Variants in CAV3 observed in about 807,000 individuals in gnomAD.
CAV3 encodes caveolin-3.
Under a neutral mutation model 13.4 loss-of-function variants are expected in CAV3, and 10 were observed. That is an observed-to-expected ratio of 0.75 (90% CI 0.46 to 1.27). The LOEUF is 1.27. CAV3 is among the 50% of genes most tolerant of loss of function. The pLI is 0.00. For synonymous variants in CAV3, 90 were observed against 79.0 expected (o/e 1.14, Z -0.74); for missense variants, 162 against 194.0 (o/e 0.83, Z 0.98).
Position 8,745,929 on chromosome 3 carries a change from G to C in CAV3, c.*62G>C, listed in dbSNP as rs1375280029. On this transcript the variant is annotated 3_prime_UTR_variant, in exon 2 of 2. Coordinates refer to ENST00000343849, the MANE Select transcript of CAV3 (RefSeq NM_033337.3). The surrounding 1 kb of genome is among the most constrained non-coding windows in gnomAD (Gnocchi z 4.8). The stretch of plus-strand genomic sequence containing the variant: ...TGGTGGGCCAGACTGGTCCCCGGGG[G>C]ACTTCTTCACAGGGGCTGCTGGCGA... 4 of 1,394,222 alleles carry C rather than the reference G, an allele frequency of 2.9e-6. No individual in the cohort carries two copies. Among genetic ancestry groups the C allele is most frequent in the African/African-American group, 1.4e-5 (1 of 70,742 alleles). 86.4% of individuals were successfully genotyped at this position (1,394,222 alleles called of 1,614,324 possible). A position where few individuals can be genotyped will look rare whatever the true frequency, so the allele number is the denominator to read the frequency against.
intron 1 of CAV3, among the ~76,000 whole-genome samples, chr3:8,735,551 A>C (rs187905548): frequency 6.6e-6 from 1 of 152,288 alleles, no homozygotes; most frequent in African/African-American, 2.4e-5. Context: ...CAAAATCTAG[A>C]ATTCTTCAGT....
At chr3:8,734,034 T>C in intron 1 of CAV3, 44 bp downstream of exon 1, 1 of 1,121,010 alleles carries the variant, frequency 8.9e-7, no homozygotes, top group Non-Finnish European at 1.4e-6. Flanking sequence ...AGTGTCAGGT[T>C]TGCGAGACGT....
intron 1 of CAV3, among the ~76,000 whole-genome samples, chr3:8,744,038 C>A (rs1575475452): frequency 6.6e-6 from 1 of 152,124 alleles, no homozygotes; most frequent in African/African-American, 2.4e-5. Context: ...GAGCCTCAGC[C>A]CTGCAGGCCA....
At chr3:8,744,652 T>C (rs918915360) in intron 1 of CAV3, among the ~76,000 whole-genome samples, 13 of 152,098 alleles carry the variant, frequency 8.5e-5, no homozygotes, top group African/African-American at 2.9e-4. Context: ...GCTTCATGCA[T>C]AGCAGGGCTC....
rs1469244641 is a variant in CAV3 at position 8,734,051 on chromosome 3, T to C, written c.114+61T>C. Reference sequence around the variant, plus strand: ...TGTCAGGTTTGCGAGACGTGGGCGCTTGGCAGGGGAGGGTATCTGCTGCAG... The same window carrying C: ...TGTCAGGTTTGCGAGACGTGGGCGCCTGGCAGGGGAGGGTATCTGCTGCAG... On this transcript the variant is annotated intron_variant, in intron 1 of 1. Coordinates refer to ENST00000343849, the MANE Select transcript of CAV3 (RefSeq NM_033337.3). 3.3e-6 allele frequency: 3 copies of C among 911,060 alleles called. No individual in the cohort carries two copies. The African/African-American group carries it at 4.9e-5, about 15-fold the overall frequency. The allele number at this position is 911,060 out of a possible 1,614,324, so 56.4% of individuals were successfully genotyped here. A position where few individuals can be genotyped will look rare whatever the true frequency, so the allele number is the denominator to read the frequency against.
chr3:8,734,636 T>G (rs560483106), intron 1 of CAV3, among the ~76,000 whole-genome samples: 1 of 152,334 alleles, frequency 6.6e-6, no homozygotes, highest in South Asian at 2.1e-4. Flanking sequence ...GTTGGGCCTC[T>G]TCCCTCGCCT....
chr3:8,740,861 C>T (rs975781450), intron 1 of CAV3, among the ~76,000 whole-genome samples: 3 of 152,260 alleles, frequency 2.0e-5, no homozygotes, highest in Admixed American at 1.3e-4. Context: ...GTTCTGGCCT[C>T]AGGCCCTGCT....
intron 1 of CAV3, among the ~76,000 whole-genome samples, chr3:8,737,015 G>C (rs983993318): frequency 2.0e-5 from 3 of 152,102 alleles, no homozygotes; most frequent in Non-Finnish European, 4.4e-5. Context: ...GGAGAGAGGG[G>C]ACTGTGGCTA....
At chr3:8,741,198 C>T (rs969564373) in intron 1 of CAV3, among the ~76,000 whole-genome samples, 1 of 152,308 alleles carries the variant, frequency 6.6e-6, no homozygotes, top group South Asian at 2.1e-4. Flanking sequence ...TTATTCTAAT[C>T]CACTGCACAG....
chr3:8,738,656 A>T (rs1230895375), intron 1 of CAV3, among the ~76,000 whole-genome samples: 1 of 152,234 alleles, frequency 6.6e-6, no homozygotes, highest in Non-Finnish European at 1.5e-5. Context: ...GAGAAAAATT[A>T]AAAATGTGAA....
chr3:8,738,296 G>T (rs1456505238), intron 1 of CAV3, among the ~76,000 whole-genome samples: 1 of 152,272 alleles, frequency 6.6e-6, no homozygotes, highest in Middle Eastern at 3.4e-3. Flanking sequence ...CAGAACGCCT[G>T]CCTTCTTCAG....
rs2124988937 is a variant in CAV3, at chr3:8,745,944, G to A, written c.*77G>A. 8.3e-7 allele frequency: 1 copy of A among 1,203,540 alleles called. No homozygotes were observed. The highest frequency in any genetic ancestry group is 1.2e-6 in the Non-Finnish European group (1 of 840,086). The allele number at this position is 1,203,540 out of a possible 1,614,324, so 74.6% of individuals were successfully genotyped here. On this transcript the variant is annotated 3_prime_UTR_variant, in exon 2 of 2. Coordinates refer to ENST00000343849, the MANE Select transcript of CAV3 (RefSeq NM_033337.3). This position sits in a 1 kb window ranked among gnomAD's most constrained non-coding sequence, Gnocchi z 4.8. ...GTCCCCGGGGGACTTCTTCACAGGG[G>A]CTGCTGGCGAGCTCTTTCTCTTTAG...
chr3:8,735,314 T>C (rs1446374191), intron 1 of CAV3, among the ~76,000 whole-genome samples: 1 of 152,226 alleles, frequency 6.6e-6, no homozygotes, highest in Non-Finnish European at 1.5e-5. Flanking sequence ...TATAAAACAA[T>C]TATCAATGAG....
At chr3:8,739,569 G>A (rs891215983) in intron 1 of CAV3, among the ~76,000 whole-genome samples, 3 of 150,384 alleles carry the variant, frequency 2.0e-5, no homozygotes, top group Admixed American at 6.6e-5. Context: ...GCCATGAGCC[G>A]AGATCGCACC....
chr3:8,739,629 A>G (rs1707886357), intron 1 of CAV3, among the ~76,000 whole-genome samples: 1 of 151,972 alleles, frequency 6.6e-6, no homozygotes, highest in Admixed American at 6.6e-5. Flanking sequence ...TCCAAAAAAA[A>G]AAAAAAAGAG....
rs1049715245 is a variant in CAV3 at position 8,736,911 on chromosome 3, G to C, written c.114+2921G>C. Among the ~76,000 whole-genome samples the C allele has an allele frequency of 6.6e-5, 10 of 152,182 alleles. No homozygotes were observed. In the East Asian group the frequency reaches 9.6e-4, roughly 15 times the overall value. On this transcript the variant is annotated intron_variant, in intron 1 of 1. Transcript: ENST00000343849. ...ATGAAAAAAGTTAATGCAGAACAAG[G>C]ATCATAAAGCAGACTCAGATATAGA...
At chr3:8,734,905 G>C (rs138061554) in intron 1 of CAV3, among the ~76,000 whole-genome samples, 282 of 152,292 alleles carry the variant, frequency 1.9e-3, no homozygotes, top group African/African-American at 6.4e-3. Context: ...TTTTAGTAGA[G>C]ACTGGGTTTC....
In CAV3 at chr3:8,745,428, T is replaced by C; in HGVS notation, c.115-98T>C. On this transcript the variant is annotated intron_variant, in intron 1 of 1. Transcript: ENST00000343849. This position sits in a 1 kb window ranked among gnomAD's most constrained non-coding sequence, Gnocchi z 4.8. The stretch of plus-strand genomic sequence containing the variant: ...TAGGGTCCAGCCACCAAGGTTAACC[T>C]GACCTCTAGGGGATTCTGACACATG... 1 of 916,806 alleles carries C rather than the reference T, an allele frequency of 1.1e-6. No individual in the cohort carries two copies. The highest frequency in any genetic ancestry group is 1.8e-6 in the Non-Finnish European group (1 of 563,110). The allele number at this position is 916,806 out of a possible 1,614,324, so 56.8% of individuals were successfully genotyped here.
rs771773640 is a variant in CAV3 at position 8,746,464 on chromosome 3, C to T, written c.*597C>T. Reference sequence around the variant, plus strand: ...TTCTATTGTTTGCTGGAACCGTACACGTTCCTTGGAAGATCATGTTTAAGT... The same window carrying T: ...TTCTATTGTTTGCTGGAACCGTACATGTTCCTTGGAAGATCATGTTTAAGT... On this transcript the variant is annotated 3_prime_UTR_variant, in exon 2 of 2. Transcript: ENST00000343849. The T allele has an allele frequency of 4.6e-5, 7 of 152,734 alleles. No homozygotes were observed. Among genetic ancestry groups the T allele is most frequent in the Non-Finnish European group, 5.8e-5 (4 of 68,490 alleles). The allele number at this position is 152,734 out of a possible 1,614,324, so 9.5% of individuals were successfully genotyped here.
Sources: allele counts gnomAD v4.1 joint callset (sites outside exome capture counted in the v4.1 genomes callset), GRCh38; gene constraint gnomAD v4.1.1; non-coding constraint Gnocchi (gnomAD v3.1); transcripts MANE v1.5; gene names NCBI Gene and HGNC (gene_info 2026-07-23, HGNC 2026-07-21).